RAD51B: variants seen among roughly 807,000 people sequenced by gnomAD.
The protein encoded by RAD51B is DNA repair protein RAD51 homolog 2.
Under a neutral mutation model 42.2 loss-of-function variants are expected in RAD51B, and 38 were observed. The ratio of observed to expected loss-of-function variants is 0.90; its 90% CI spans 0.70 to 1.18. The LOEUF is 1.18. Ranked by LOEUF, RAD51B falls within the 50% of genes most tolerant of loss-of-function variation. The probability of loss-of-function intolerance (pLI) is 0.00; values close to 1 mark genes in which losing one functional copy is unlikely to be tolerated. For synonymous variants in RAD51B, 154 were observed against 145.2 expected (o/e 1.06, Z -0.43); for missense variants, 373 against 400.7 (o/e 0.93, Z 0.59).
chr14:68,459,110 T>C (rs1014638036), intron 9 of RAD51B, among the ~76,000 whole-genome samples: 2 of 152,172 alleles, frequency 1.3e-5, no homozygotes, highest in Admixed American at 1.3e-4. Flanking sequence ...CCTGTGAGGA[T>C]CACTGGGTAC....
chr14:68,399,253 T>G (rs10136829), intron 8 of RAD51B, among the ~76,000 whole-genome samples: 148 of 135,732 alleles, frequency 1.1e-3, no homozygotes, highest in African/African-American at 4.7e-3. Context: ...CCTGATTTTT[T>G]TTTGTGTTTT....
chr14:68,304,774 C>G (rs1439403017), intron 8 of RAD51B, among the ~76,000 whole-genome samples: 2 of 152,326 alleles, frequency 1.3e-5, no homozygotes, highest in African/African-American at 4.8e-5. Context: ...TTAGGTGAAG[C>G]TGGCAGGCCT....
downstream of RAD51B, among the ~76,000 whole-genome samples, chr14:68,613,547 A>T (rs1891755731): frequency 6.7e-6 from 1 of 149,754 alleles, no homozygotes; most frequent in African/African-American, 2.5e-5. Flanking sequence ...TCTGCCTCCC[A>T]GGTTCATGCC....
At chr14:68,386,412 T>G (rs1461408962) in intron 8 of RAD51B, among the ~76,000 whole-genome samples, 1 of 152,228 alleles carries the variant, frequency 6.6e-6, no homozygotes, top group African/African-American at 2.4e-5. Context: ...CTGATACAGA[T>G]GCAGCAATAA....
At chr14:68,385,550 T>A (rs897803986) in intron 8 of RAD51B, among the ~76,000 whole-genome samples, 7 of 152,218 alleles carry the variant, frequency 4.6e-5, no homozygotes, top group African/African-American at 1.7e-4. Flanking sequence ...CCCAAGACTA[T>A]ACGAGAAGGG....
At chr14:67,990,522 G>C (rs2075277478) in intron 7 of RAD51B, among the ~76,000 whole-genome samples, 1 of 152,118 alleles carries the variant, frequency 6.6e-6, no homozygotes. Context: ...CACAATTATT[G>C]GTTATGACTA....
At position 68,181,846 on chromosome 14, in the gene RAD51B, C is replaced by T. The variant is rs957680182; in HGVS notation, c.757-110038C>T. 3.9e-5 allele frequency among the ~76,000 whole-genome samples: 6 copies of T among 152,162 alleles called. No homozygotes were observed. In the East Asian group the frequency reaches 5.8e-4, roughly 15 times the overall value. ...AAAGGGTTATGTCCTCAGAATTACACGGTGAGTCACTGGAAAAACTCTGAG... is the reference window on the plus strand; with the variant it reads ...AAAGGGTTATGTCCTCAGAATTACATGGTGAGTCACTGGAAAAACTCTGAG... On this transcript the variant is annotated intron_variant, in intron 7 of 10. Coordinates refer to ENST00000471583, the MANE Select transcript of RAD51B (RefSeq NM_133510.4).
chr14:68,014,849 C>CAAA (rs111996389), intron 7 of RAD51B, among the ~76,000 whole-genome samples: 24 of 104,774 alleles, frequency 2.3e-4, no homozygotes, highest in Middle Eastern at 4.5e-3. Context: ...AGAATGAATG[C>CAAA]AAAAAAAAAA....
intron 8 of RAD51B, among the ~76,000 whole-genome samples, chr14:68,324,077 A>G (rs1325668242): frequency 6.6e-6 from 1 of 152,258 alleles, no homozygotes; most frequent in Non-Finnish European, 1.5e-5. Context: ...TTAGAGGATT[A>G]TAAATAAAGC....
chr14:68,610,843 A>ATGTGTGTG (rs60173412), intron 10 of RAD51B, among the ~76,000 whole-genome samples: 11,060 of 144,742 alleles, frequency 0.076, 440 homozygotes, highest in South Asian at 0.12. Flanking sequence ...CTGAATGTAT[A>ATGTGTGTG]TGTGTGTGTG....
intron 11 of RAD51B, among the ~76,000 whole-genome samples, chr14:68,674,243 G>A (rs554625306): frequency 8.6e-5 from 13 of 151,766 alleles, no homozygotes; most frequent in African/African-American, 9.7e-5. Flanking sequence ...GTATACACAC[G>A]TACACACTAT....
At chr14:68,270,129 G>C (rs1210065414) in intron 7 of RAD51B, among the ~76,000 whole-genome samples, 1 of 152,198 alleles carries the variant, frequency 6.6e-6, no homozygotes, top group East Asian at 1.9e-4. Flanking sequence ...AGTCTCACTA[G>C]GCAGTTCTGC....
At chr14:68,505,784 C>G (rs1477140413) in intron 10 of RAD51B, among the ~76,000 whole-genome samples, 1 of 152,106 alleles carries the variant, frequency 6.6e-6, no homozygotes, top group African/African-American at 2.4e-5. Flanking sequence ...AACTCCCAAC[C>G]TCAGGAAATC....
At chr14:68,324,248 A>G (rs148734249) in intron 8 of RAD51B, among the ~76,000 whole-genome samples, 2 of 152,330 alleles carry the variant, frequency 1.3e-5, no homozygotes, top group African/African-American at 4.8e-5. Context: ...TTTGAGCCCA[A>G]GTAGATTCAA....
chr14:67,836,915 A>G (rs905645939), intron 4 of RAD51B, among the ~76,000 whole-genome samples: 1 of 152,206 alleles, frequency 6.6e-6, no homozygotes, highest in Non-Finnish European at 1.5e-5. Context: ...TTCTAGGGGC[A>G]TAAATACTTT....
intron 10 of RAD51B, among the ~76,000 whole-genome samples, chr14:68,623,435 T>A (rs537450851): frequency 1.2e-4 from 19 of 152,282 alleles, no homozygotes; most frequent in African/African-American, 4.6e-4. Context: ...ACATTGAGTA[T>A]AGGCAAGGCC....
chr14:68,499,505 G>A (rs572653878), intron 10 of RAD51B, among the ~76,000 whole-genome samples: 1 of 152,188 alleles, frequency 6.6e-6, no homozygotes, highest in Non-Finnish European at 1.5e-5. Flanking sequence ...GGATGCAGTA[G>A]GTTAAATGGT....
At chr14:68,679,615 C>G (rs1336662457) in intron 11 of RAD51B, among the ~76,000 whole-genome samples, 1 of 152,226 alleles carries the variant, frequency 6.6e-6, no homozygotes, top group African/African-American at 2.4e-5. Context: ...TAATCCTACC[C>G]TTGAATTTAG....
Position 68,351,212 on chromosome 14 carries a change from T to A in RAD51B, c.853+59232T>A, listed in dbSNP as rs186028521. ...AAGGGCAGACATAGGACAGTGGCAT[T>A]TTGAGTAAGAAATAGGGTTTCAACT... is the stretch of plus-strand genomic sequence containing the variant. On this transcript the variant is annotated intron_variant, in intron 8 of 10. Coordinates refer to ENST00000471583, the MANE Select transcript of RAD51B (RefSeq NM_133510.4). Among the ~76,000 whole-genome samples, 816 of 152,200 alleles carry A rather than the reference T, an allele frequency of 5.4e-3. 12 individuals carry two copies. The highest frequency in any genetic ancestry group is 0.019 in the African/African-American group (782 of 41,530).
Sources: allele counts gnomAD v4.1 joint callset (sites outside exome capture counted in the v4.1 genomes callset), GRCh38; gene constraint gnomAD v4.1.1; transcripts MANE v1.5; gene names NCBI Gene and HGNC (gene_info 2026-07-23, HGNC 2026-07-21).